Variants in KCTD10 observed in about 807,000 individuals in gnomAD.
KCTD10 encodes BTB/POZ domain-containing adapter for CUL3-mediated RhoA degradation protein 3.
Under a neutral mutation model 34.6 loss-of-function variants are expected in KCTD10, and 13 were observed. The ratio of observed to expected loss-of-function variants is 0.38; its 90% CI spans 0.24 to 0.60. The LOEUF (loss-of-function observed/expected upper bound fraction) is 0.60. Ranked by LOEUF, KCTD10 falls within the 20% of genes least tolerant of loss-of-function variation. KCTD10 has a pLI of 0.66. For synonymous variants in KCTD10, 156 were observed against 168.8 expected (o/e 0.92, Z 0.59); for missense variants, 256 against 420.3 (o/e 0.61, Z 3.42).
intron 6 of KCTD10, chr12:109,455,393 TAAAA>T: frequency 7.0e-6 from 1 of 143,304 alleles, no homozygotes; most frequent in East Asian, 2.1e-4. Context: ...AATAATAAGT[TAAAA>T]AAAAAAAAGA....
Position 109,450,274 on chromosome 12 carries a change from G to A in KCTD10, c.*1321C>T. ...CACGACTCACTCCTGTTCCTTTGCAGGTGCAGAGGAGCCTGGGAGGTAGGT... is the reference window on the plus strand; with the variant it reads ...CACGACTCACTCCTGTTCCTTTGCAAGTGCAGAGGAGCCTGGGAGGTAGGT... On this transcript the variant is annotated 3_prime_UTR_variant, in exon 7 of 7. Transcript: ENST00000228495. 1 of 398,622 alleles carries A rather than the reference G, an allele frequency of 2.5e-6. No individual in the cohort carries two copies. Among genetic ancestry groups the A allele is most frequent in the Non-Finnish European group, 4.4e-6 (1 of 226,096 alleles). 24.7% of individuals were successfully genotyped at this position (398,622 alleles called of 1,614,324 possible).
Position 109,451,255 on chromosome 12 carries a change from C to A in KCTD10, c.*340G>T. The stretch of plus-strand genomic sequence containing the variant: ...AAAAGCCCACATAGGAAGTCGACAC[C>A]CACAAAAATAAATATTGCAAACAAA... On this transcript the variant is annotated 3_prime_UTR_variant, in exon 7 of 7. Coordinates refer to ENST00000228495, the MANE Select transcript of KCTD10 (RefSeq NM_031954.5). The surrounding 1 kb of genome is among the most constrained non-coding windows in gnomAD (Gnocchi z 5.0). The A allele has an allele frequency of 4.5e-6, 1 of 222,182 alleles. No individual in the cohort carries two copies. The highest frequency in any genetic ancestry group is 8.7e-6 in the Non-Finnish European group (1 of 114,634). 13.8% of individuals were successfully genotyped at this position (222,182 alleles called of 1,614,324 possible). A position where few individuals can be genotyped will look rare whatever the true frequency, so the allele number is the denominator to read the frequency against.
At chr12:109,458,238 G>A in intron 3 of KCTD10, 160 bp from the exon 4 acceptor site, 1 of 606,950 alleles carries the variant, frequency 1.6e-6, no homozygotes, top group South Asian at 2.0e-5. Context: ...GGAAGACAGG[G>A]AGTTGAATTT....
At chr12:109,452,960 A>G (rs1411002304) in intron 6 of KCTD10, among the ~76,000 whole-genome samples, 1 of 152,128 alleles carries the variant, frequency 6.6e-6, no homozygotes, top group Non-Finnish European at 1.5e-5. Context: ...TCTGATCCCA[A>G]CTGTTTCTTG....
chr12:109,455,702 A>G (rs983207805), intron 6 of KCTD10, among the ~76,000 whole-genome samples: 3 of 152,236 alleles, frequency 2.0e-5, no homozygotes, highest in African/African-American at 7.2e-5. Context: ...AGAAAACCCA[A>G]TTGCAGAGCC....
chr12:109,476,516 T>C (rs973088816), intron 1 of KCTD10, among the ~76,000 whole-genome samples: 1 of 152,126 alleles, frequency 6.6e-6, no homozygotes, highest in East Asian at 1.9e-4. Flanking sequence ...GAGACAGATC[T>C]TGAAACATCC....
Position 109,460,956 on chromosome 12 carries a change from T to C in KCTD10, c.218-151A>G, listed in dbSNP as rs1254800719. The C allele has an allele frequency of 4.0e-6, 3 of 754,486 alleles. No homozygotes were observed. The highest frequency in any genetic ancestry group is 6.3e-6 in the Non-Finnish European group (3 of 475,024). The allele number at this position is 754,486 out of a possible 1,614,324, so 46.7% of individuals were successfully genotyped here. On this transcript the variant is annotated intron_variant, in intron 2 of 6. Coordinates refer to ENST00000228495, the MANE Select transcript of KCTD10 (RefSeq NM_031954.5). The surrounding 1 kb of genome is among the most constrained non-coding windows in gnomAD (Gnocchi z 4.5). ...CAGCCTCACCTGCCTACCTGCCCAC[T>C]AAGGGCTGAGGAAGCCCCCACAGCC...
intron 2 of KCTD10, among the ~76,000 whole-genome samples, chr12:109,468,653 C>CTTTTT (rs34623703): frequency 2.3e-5 from 3 of 132,458 alleles, no homozygotes; most frequent in Non-Finnish European, 1.6e-5. Flanking sequence ...AATTCTTTGC[C>CTTTTT]TTTTTTTTTT....
intron 3 of KCTD10, among the ~76,000 whole-genome samples, chr12:109,459,927 T>C (rs1873225354): frequency 1.3e-5 from 2 of 152,208 alleles, no homozygotes; most frequent in Non-Finnish European, 2.9e-5. Context: ...TTCAACAGTG[T>C]AGTAATAATA....
chr12:109,472,274 T>C (rs1873928210), intron 1 of KCTD10, among the ~76,000 whole-genome samples: 1 of 152,202 alleles, frequency 6.6e-6, no homozygotes, highest in African/African-American at 2.4e-5. Context: ...CCTTATTCTA[T>C]AAGCTTTTTT....
chr12:109,453,989 C>T (rs1018344976), intron 6 of KCTD10, among the ~76,000 whole-genome samples: 3 of 152,228 alleles, frequency 2.0e-5, no homozygotes, highest in Non-Finnish European at 2.9e-5. Context: ...CTACAAACTA[C>T]AGAAGGCTGG....
At chr12:109,452,976 C>T (rs568654613) in intron 6 of KCTD10, among the ~76,000 whole-genome samples, 2 of 152,202 alleles carry the variant, frequency 1.3e-5, no homozygotes, top group African/African-American at 2.4e-5. Context: ...TCTTGATTCA[C>T]AGACCAGGTT....
At chr12:109,465,587 C>T (rs892670326) in intron 2 of KCTD10, among the ~76,000 whole-genome samples, 1 of 152,134 alleles carries the variant, frequency 6.6e-6, no homozygotes, top group African/African-American at 2.4e-5. Flanking sequence ...AAATGCTTAC[C>T]TTTGGAAGGG....
At chr12:109,475,095 T>A (rs1415788158) in intron 1 of KCTD10, among the ~76,000 whole-genome samples, 1 of 152,148 alleles carries the variant, frequency 6.6e-6, no homozygotes, top group Non-Finnish European at 1.5e-5. Context: ...ACCTAGTCCT[T>A]TGTGTAGTTT....
chr12:109,468,632 C>A (rs1036370168), intron 2 of KCTD10, among the ~76,000 whole-genome samples: 1 of 151,740 alleles, frequency 6.6e-6, no homozygotes, highest in South Asian at 2.1e-4. Context: ...TATGACAATG[C>A]CCCTCTCAAC....
chr12:109,470,616 C>T (rs560200606), intron 1 of KCTD10: 82 of 984,586 alleles, frequency 8.3e-5, no homozygotes, highest in Admixed American at 1.2e-4. Flanking sequence ...GTAGCCCCCA[C>T]GGCTGGCCCT....
At chr12:109,468,861 C>A (rs1355356870) in intron 2 of KCTD10, among the ~76,000 whole-genome samples, 1 of 152,016 alleles carries the variant, frequency 6.6e-6, no homozygotes, top group Non-Finnish European at 1.5e-5. Context: ...ACCTTGTTAG[C>A]CAGGATGGTC....
At chr12:109,477,101 C>A (rs546020079) in intron 1 of KCTD10, among the ~76,000 whole-genome samples, 159 bp downstream of exon 1, 18 of 151,748 alleles carry the variant, frequency 1.2e-4, no homozygotes, top group Non-Finnish European at 1.5e-5. Flanking sequence ...GCCCTTCCCC[C>A]ACCCCGGGCC....
At chr12:109,477,051 C>G (rs61941589) in intron 1 of KCTD10, among the ~76,000 whole-genome samples, 1 of 151,116 alleles carries the variant, frequency 6.6e-6, no homozygotes, top group Non-Finnish European at 1.5e-5. Context: ...CGCCAGGGAG[C>G]CTCCCTACCA....
Sources: allele counts gnomAD v4.1 joint callset (sites outside exome capture counted in the v4.1 genomes callset), GRCh38; gene constraint gnomAD v4.1.1; non-coding constraint Gnocchi (gnomAD v3.1); transcripts MANE v1.5; gene names NCBI Gene and HGNC (gene_info 2026-07-23, HGNC 2026-07-21).